The following AURKA variants were observed in gnomAD, a reference collection of about 807,000 sequenced individuals.
AURKA encodes aurora kinase A.
Under a neutral mutation model 40.9 loss-of-function variants are expected in AURKA, and 12 were observed. The ratio of observed to expected loss-of-function variants is 0.29; its 90% CI spans 0.19 to 0.48. The LOEUF (loss-of-function observed/expected upper bound fraction) is 0.48, where lower values mean the gene tolerates loss of function less well. Ranked by LOEUF, AURKA falls within the 20% of genes least tolerant of loss-of-function variation. The pLI is 0.99. For synonymous variants in AURKA, 170 were observed against 164.3 expected, an observed-to-expected ratio of 1.03 and a Z score of -0.26; for missense variants, 322 against 462.1, an observed-to-expected ratio of 0.70 and a Z score of 2.78.
At position 56,369,965 on chromosome 20, in the gene AURKA, C is replaced by G; in HGVS notation, c.*193G>C. 1.4e-6 allele frequency: 1 copy of G among 714,654 alleles called. No individual in the cohort carries two copies. Among genetic ancestry groups the G allele is most frequent in the East Asian group, 2.7e-5 (1 of 37,076 alleles). 44.3% of individuals were successfully genotyped at this position (714,654 alleles called of 1,614,324 possible). On this transcript the variant is annotated 3_prime_UTR_variant, in exon 9 of 9. Coordinates refer to ENST00000395915, the MANE Select transcript of AURKA (RefSeq NM_198437.3). The stretch of plus-strand genomic sequence containing the variant: ...ACAATTCTCGTGGCTACTTTCACTT[C>G]AGAGTGTCATGTTTATTGATGTGGA...
rs779597046 is a variant in AURKA at position 56,386,505 on chromosome 20, C to T, written c.71G>A (p.Arg24His). Reference protein sequence around the residue: ...KATAPVGGPKRVLVTQQFPCQ... With the variant: ...KATAPVGGPKHVLVTQQFPCQ... ...AGGAAATTGCTGAGTCACGAGAACA[C>T]GTTTTGGACCTCCAACTGGAGCTGT... is the stretch of plus-strand genomic sequence containing the variant. Residue 24 changes from arginine (R) to histidine (H), a missense_variant, in exon 3 of 9, where the codon CGT becomes CAT. Physicochemically the swap from Arg to His is conservative, Grantham distance 29 (BLOSUM62 0). Transcript: ENST00000395915. The T allele has an allele frequency of 2.0e-5, 32 of 1,614,040 alleles. No individual in the cohort carries two copies. In the Middle Eastern group the frequency reaches 4.9e-4, roughly 25 times the overall value.
In AURKA at chr20:56,384,276, G is replaced by A; in HGVS notation, c.368C>T (p.Ser123Leu). 6.3e-6 allele frequency: 10 copies of A among 1,597,846 alleles called. No individual in the cohort carries two copies. Among genetic ancestry groups the A allele is most frequent in the Non-Finnish European group, 8.6e-6 (10 of 1,166,812 alleles). Residue 123 changes from serine (S) to leucine (L), a missense_variant, in exon 4 of 9, where the codon TCA becomes TTA. Physicochemically the swap from Ser to Leu is moderately radical, Grantham distance 145. Transcript: ENST00000395915. ...TGTAAATAAGAAAGCTTACTTTTTT[G>A]ATTCTTCATTTTTCTGTTTTGATGC... ...ELASKQKNEE[S>L]KKRQWALEDF...
Position 56,373,309 on chromosome 20 carries a change from T to TACA in AURKA, c.854+96_854+98dup, listed in dbSNP as rs961298284. 1.3e-6 allele frequency: 2 copies of TACA among 1,578,620 alleles called. No individual in the cohort carries two copies. The highest frequency in any genetic ancestry group is 2.7e-5 in the African/African-American group (2 of 73,780). ...TTCTGGGTTAGCCACCTACCCCTCT[T>TACA]ACAGCACAAAATCTACACTGAAATA... On this transcript the variant is annotated intron_variant, in intron 7 of 8. Transcript: ENST00000395915. The surrounding 1 kb of genome is among the most constrained non-coding windows in gnomAD (Gnocchi z 5.0).
chr20:56,380,382 A>G (rs1985561286), intron 6 of AURKA, among the ~76,000 whole-genome samples: 1 of 151,876 alleles, frequency 6.6e-6, no homozygotes, highest in Non-Finnish European at 1.5e-5. Flanking sequence ...AAAAGAAAGA[A>G]AAAAAGTTCC....
At chr20:56,379,866 G>A (rs1464476114) in intron 6 of AURKA, among the ~76,000 whole-genome samples, 1 of 151,860 alleles carries the variant, frequency 6.6e-6, no homozygotes, top group African/African-American at 2.4e-5. Context: ...AGGAGGCTGA[G>A]GCAGGAGAAT....
chr20:56,370,593 A>G lies in AURKA; in HGVS notation c.921T>C (p.Asp307=), dbSNP rs751240542. Residue 307 remains aspartate (D), a synonymous_variant, in exon 8 of 9, where the codon GAT becomes GAC. Coordinates refer to ENST00000395915, the MANE Select transcript of AURKA (RefSeq NM_198437.3). ...PPEMIEGRMH[D]EKVDLWSLGV... ...CAAGGCTCCAGAGATCCACCTTCTCATCATGCATCCGACCTTCAATCATTT... is the reference window on the plus strand; with the variant it reads ...CAAGGCTCCAGAGATCCACCTTCTCGTCATGCATCCGACCTTCAATCATTT... 1 of 1,613,664 alleles carries G rather than the reference A, an allele frequency of 6.2e-7. No homozygotes were observed. Among genetic ancestry groups the G allele is most frequent in the South Asian group, 1.1e-5 (1 of 91,080 alleles).
In AURKA at chr20:56,373,367, C is replaced by T. The variant is rs754428732; in HGVS notation, c.854+41G>A. ...TTTAGCTCACGGTTAGCTCCCAGGG[C>T]TTTGGTAAACCAAACAACTTCCACC... is the stretch of plus-strand genomic sequence containing the variant. On this transcript the variant is annotated intron_variant, in intron 7 of 8. Transcript: ENST00000395915. The surrounding 1 kb of genome is among the most constrained non-coding windows in gnomAD (Gnocchi z 5.0). 3.1e-6 allele frequency: 5 copies of T among 1,612,326 alleles called. No individual in the cohort carries two copies. Among genetic ancestry groups the T allele is most frequent in the Non-Finnish European group, 4.2e-6 (5 of 1,179,920 alleles).
intron 6 of AURKA, among the ~76,000 whole-genome samples, chr20:56,375,307 CTT>C (rs59071872): frequency 1.5e-5 from 2 of 131,854 alleles, no homozygotes. Context: ...TTTAATCTTT[CTT>C]TTTTTTTTTT....
At chr20:56,383,691 A>G (rs1023754777) in intron 4 of AURKA, among the ~76,000 whole-genome samples, 1 of 152,214 alleles carries the variant, frequency 6.6e-6, no homozygotes, top group Non-Finnish European at 1.5e-5. Context: ...CATGAGAACC[A>G]GTGGATTTAG....
intron 5 of AURKA, among the ~76,000 whole-genome samples, chr20:56,381,836 G>A (rs897444090): frequency 6.6e-6 from 1 of 152,078 alleles, no homozygotes; most frequent in East Asian, 1.9e-4. Context: ...ATTCTTAGGA[G>A]GAAAATTCAG....
intron 7 of AURKA, among the ~76,000 whole-genome samples, chr20:56,371,492 C>T (rs1303238967): frequency 7.3e-6 from 1 of 136,364 alleles, no homozygotes; most frequent in African/African-American, 2.7e-5. Flanking sequence ...TAACCTGAAT[C>T]TCTTCAGGAC....
intron 4 of AURKA, 94 bp from the exon 5 acceptor site, chr20:56,383,270 G>A (rs528993129): frequency 4.3e-5 from 58 of 1,350,244 alleles, no homozygotes; most frequent in South Asian, 4.0e-4. Context: ...AAATAATTTC[G>A]TATTCCAACT....
chr20:56,390,012 CA>C (rs1200547811), intron 1 of AURKA, among the ~76,000 whole-genome samples: 2 of 152,174 alleles, frequency 1.3e-5, no homozygotes, highest in Non-Finnish European at 2.9e-5. Flanking sequence ...CTGAGGCCGG[CA>C]ATCTCATTAA....
intron 1 of AURKA, among the ~76,000 whole-genome samples, chr20:56,391,164 T>C (rs544699049): frequency 6.6e-6 from 1 of 152,358 alleles, no homozygotes; most frequent in African/African-American, 2.4e-5. Flanking sequence ...GTTAGGCTAA[T>C]AGCGCAGGAG....
chr20:56,375,991 T>C (rs1984873969), intron 6 of AURKA, among the ~76,000 whole-genome samples: 1 of 152,234 alleles, frequency 6.6e-6, no homozygotes. Context: ...GAAATGATCT[T>C]TCATTTTCTT....
intron 6 of AURKA, among the ~76,000 whole-genome samples, chr20:56,376,264 G>A (rs929159847): frequency 9.9e-5 from 15 of 152,204 alleles, no homozygotes; most frequent in African/African-American, 3.4e-4. Flanking sequence ...TACCATTAAT[G>A]AGCATAGATT....
intron 1 of AURKA, among the ~76,000 whole-genome samples, chr20:56,389,781 C>CA (rs1312420982): frequency 6.6e-6 from 1 of 152,166 alleles, no homozygotes; most frequent in Non-Finnish European, 1.5e-5. Flanking sequence ...TTGCTCAGGC[C>CA]AAAAGCCTTG....
rs753518238 is a variant in AURKA at position 56,386,397 on chromosome 20, T to C, written c.179A>G (p.Gln60Arg). The C allele has an allele frequency of 3.1e-6, 5 of 1,614,064 alleles. No individual in the cohort carries two copies. The highest frequency in any genetic ancestry group is 4.2e-6 in the Non-Finnish European group (5 of 1,180,032). The stretch of plus-strand genomic sequence containing the variant: ...GTGACTGGAGACAAGCTTTTGTGCT[T>C]GCAAAGGAATGCGCTGGGAAGAATT... ...PSNSSQRIPL[Q>R]AQKLVSSHKP... The change falls in exon 3 of 9, where the codon CAA becomes CGA. Residue 60 changes from glutamine to arginine, a missense_variant. Gln to Arg is a conservative substitution (Grantham distance 43). Coordinates refer to ENST00000395915, the MANE Select transcript of AURKA (RefSeq NM_198437.3).
rs1339965708 is a variant in AURKA at position 56,370,156 on chromosome 20, T to C, written c.*2A>G. On this transcript the variant is annotated 3_prime_UTR_variant, in exon 9 of 9. Coordinates refer to ENST00000395915, the MANE Select transcript of AURKA (RefSeq NM_198437.3). ...TCAAGGATTTCTCCCCCTGCACGAT[T>C]CCTAAGACTGTTTGCTAGCTGATTC... The C allele has an allele frequency of 6.2e-7, 1 of 1,612,278 alleles. No individual in the cohort carries two copies. Among genetic ancestry groups the C allele is most frequent in the Non-Finnish European group, 8.5e-7 (1 of 1,179,992 alleles).
Sources: gnomAD v4.1 joint callset for allele counts (sites outside exome capture counted in the v4.1 genomes callset) on GRCh38, gnomAD v4.1.1 for gene constraint, Gnocchi (gnomAD v3.1) non-coding constraint, MANE v1.5 for transcripts, NCBI Gene and HGNC (gene_info 2026-07-23, HGNC 2026-07-21) for gene names.